LIN28B: variants seen among roughly 807,000 people sequenced by gnomAD.
LIN28B encodes the protein lin-28 RNA binding posttranscriptional regulator B.
A neutral mutation model predicts 21.9 loss-of-function variants in LIN28B; 5 were observed. The ratio of observed to expected loss-of-function variants is 0.23; its 90% confidence interval spans 0.12 to 0.48. LIN28B has a LOEUF of 0.48. Among genes scored for constraint, LIN28B ranks in the 20% least tolerant of loss-of-function variants. LIN28B has a pLI of 0.98. For synonymous variants in LIN28B, 109 were observed against 111.3 expected (o/e 0.98, Z 0.13); for missense variants, 245 against 310.5 (o/e 0.79, Z 1.58).
chr6:105,029,741 G>A (rs774040959), intron 3 of LIN28B, among the ~76,000 whole-genome samples: 3 of 152,192 alleles, frequency 2.0e-5, no homozygotes, highest in Non-Finnish European at 4.4e-5. Flanking sequence ...TCCAGCCATT[G>A]TTGACTTCAT....
intron 2 of LIN28B, among the ~76,000 whole-genome samples, chr6:104,984,170 T>A (rs1355201190): frequency 6.6e-6 from 1 of 152,304 alleles, no homozygotes; most frequent in Non-Finnish European, 1.5e-5. Context: ...TCTGAATAAG[T>A]GATTTTAATT....
intron 2 of LIN28B, among the ~76,000 whole-genome samples, chr6:104,982,169 C>A (rs571043129): frequency 2.6e-5 from 4 of 151,948 alleles, no homozygotes; most frequent in Non-Finnish European, 5.9e-5. Context: ...AAAAAACTTG[C>A]TGGGCGTGAT....
At chr6:104,985,883 C>G (rs187304766) in intron 2 of LIN28B, among the ~76,000 whole-genome samples, 14 of 152,076 alleles carry the variant, frequency 9.2e-5, no homozygotes, top group Non-Finnish European at 1.5e-5. Context: ...GACCCAATAC[C>G]CTAGATTTAA....
chr6:105,027,988 T>A (rs953745872), intron 3 of LIN28B, among the ~76,000 whole-genome samples: 2 of 152,146 alleles, frequency 1.3e-5, no homozygotes, highest in African/African-American at 4.8e-5. Context: ...TCCATGAATG[T>A]GTGTGAAAGT....
intron 3 of LIN28B, among the ~76,000 whole-genome samples, chr6:105,041,407 G>A (rs1771631837): frequency 6.6e-6 from 1 of 151,860 alleles, no homozygotes; most frequent in Non-Finnish European, 1.5e-5. Context: ...ATTTTCATAA[G>A]TTGGATGCTT....
At chr6:104,958,672 A>C (rs1769639643) in intron 2 of LIN28B, among the ~76,000 whole-genome samples, 1 of 152,302 alleles carries the variant, frequency 6.6e-6, no homozygotes, top group South Asian at 2.1e-4. Context: ...AAACAAAGCG[A>C]AACAGTTTGC....
chr6:104,954,125 A>G (rs184983129), upstream of LIN28B, among the ~76,000 whole-genome samples: 13 of 152,312 alleles, frequency 8.5e-5, no homozygotes, highest in Admixed American at 2.6e-4. Flanking sequence ...TGAAAGAACT[A>G]TAAGTCAAGC....
At chr6:105,023,501 T>TATATAACCTATA (rs1340082885) in intron 2 of LIN28B, among the ~76,000 whole-genome samples, 1 of 1,194 alleles carries the variant, frequency 8.4e-4, no homozygotes, top group African/African-American at 1.8e-3. Flanking sequence ...ATATATATAA[T>TATATAACCTATA]TATATTATAT....
intron 2 of LIN28B, among the ~76,000 whole-genome samples, chr6:104,991,685 G>T (rs1050955999): frequency 6.6e-6 from 1 of 152,128 alleles, no homozygotes; most frequent in South Asian, 2.1e-4. Flanking sequence ...AGGTTGTAGC[G>T]AGCCGAGATC....
At chr6:105,006,428 C>T (rs1379631216) in intron 2 of LIN28B, among the ~76,000 whole-genome samples, 4 of 152,140 alleles carry the variant, frequency 2.6e-5, no homozygotes, top group African/African-American at 4.8e-5. Context: ...TCTCCTGTCT[C>T]AGCCTCCTGA....
chr6:104,961,620 A>C (rs749687090), intron 2 of LIN28B, among the ~76,000 whole-genome samples: 8 of 152,012 alleles, frequency 5.3e-5, no homozygotes, highest in Admixed American at 6.6e-5. Context: ...CAGGCTAGTC[A>C]CGAGCTCCTG....
intron 1 of LIN28B, 52 bp downstream of exon 1, chr6:104,957,312 T>C (rs1778304029): frequency 3.2e-6 from 4 of 1,258,246 alleles, no homozygotes; most frequent in Non-Finnish European, 4.5e-6. Context: ...TCTTTTCTCC[T>C]CCCCCTCCCC....
intron 2 of LIN28B, among the ~76,000 whole-genome samples, chr6:104,974,106 A>G (rs192789285): frequency 8.5e-5 from 13 of 152,360 alleles, no homozygotes; most frequent in East Asian, 5.8e-4. Flanking sequence ...ATGAAAATAA[A>G]TTGATATCAA....
At chr6:104,939,055 T>TA (rs374303300) in intron 2 of LIN28B, among the ~76,000 whole-genome samples, 17 of 152,010 alleles carry the variant, frequency 1.1e-4, no homozygotes, top group South Asian at 4.2e-4. Context: ...ACATAGCTAT[T>TA]AAAAAAAACA....
intron 3 of LIN28B, among the ~76,000 whole-genome samples, chr6:105,074,600 AAAT>A (rs1435406617): frequency 3.3e-5 from 5 of 152,230 alleles, no homozygotes; most frequent in African/African-American, 1.2e-4. Flanking sequence ...CTTAAATAAG[AAAT>A]AATACTTGTA....
At chr6:104,975,841 C>CT (rs532004311) in intron 2 of LIN28B, among the ~76,000 whole-genome samples, 13,763 of 135,338 alleles carry the variant, frequency 0.1, 800 homozygotes, top group African/African-American at 0.13. Context: ...TCTTCTTCTT[C>CT]TTTTTTTTTT....
In LIN28B at chr6:105,055,174, G is replaced by T. The variant is rs1037350201; in HGVS notation, c.384-23240G>T. On this transcript the variant is annotated intron_variant, in intron 3 of 3. Transcript: ENST00000345080. ...TGTTTCGGTTTCTCTGAGCTTTTTG[G>T]ATTTGTTGATCCACAATGTTTTTCA... Among the ~76,000 whole-genome samples, 35 of 152,160 alleles carry T rather than the reference G, an allele frequency of 2.3e-4. 1 individual carries two copies. Among genetic ancestry groups the T allele is most frequent in the Admixed American group, 9.8e-4 (15 of 15,290 alleles).
At chr6:104,993,074 T>C (rs900883104) in intron 2 of LIN28B, among the ~76,000 whole-genome samples, 17 of 152,314 alleles carry the variant, frequency 1.1e-4, no homozygotes, top group African/African-American at 3.8e-4. Context: ...TACTCTGAGA[T>C]TATTAAACTG....
chr6:104,960,150 A>C (rs567657157), intron 2 of LIN28B, among the ~76,000 whole-genome samples: 3 of 152,160 alleles, frequency 2.0e-5, no homozygotes, highest in Non-Finnish European at 4.4e-5. Context: ...TAGTATATAC[A>C]TACAGTTCAT....
Sources: allele counts gnomAD v4.1 joint callset (sites outside exome capture counted in the v4.1 genomes callset), GRCh38; gene constraint gnomAD v4.1.1; transcripts MANE v1.5; gene names NCBI Gene and HGNC (gene_info 2026-07-23, HGNC 2026-07-21).